The following PTPRD variants were observed in gnomAD, a reference collection of about 807,000 sequenced individuals.
PTPRD encodes the protein receptor-type tyrosine-protein phosphatase delta.
A neutral mutation model predicts 214.5 loss-of-function variants in PTPRD; 34 were observed. That is an observed-to-expected ratio of 0.16 (90% CI 0.12 to 0.21). The LOEUF is 0.21. Ranked by LOEUF, PTPRD falls within the 10% of genes least tolerant of loss-of-function variation. The pLI, the probability that PTPRD is intolerant of heterozygous loss-of-function variation, is 1.00. For missense variants in PTPRD, 2,545 were observed against 2,398.7 expected, an observed-to-expected ratio of 1.06 and a Z score of -1.27; for synonymous variants, 1,128 against 845.7, an observed-to-expected ratio of 1.33 and a Z score of -5.79.
At chr9:8,636,656 G>C (rs765147253) in intron 13 of PTPRD, 43 bp downstream of exon 13, 3 of 1,606,232 alleles carry the variant, frequency 1.9e-6, no homozygotes, top group Middle Eastern at 1.7e-4. Context: ...AGACAGAGCA[G>C]ATACATTCTT....
At chr9:9,405,206 T>C (rs1210862553) in intron 8 of PTPRD, among the ~76,000 whole-genome samples, 2 of 152,110 alleles carry the variant, frequency 1.3e-5, no homozygotes, top group African/African-American at 4.8e-5. Context: ...CTATGCATTT[T>C]GGGAAAAGCA....
At chr9:8,964,191 T>TTTC (rs2099175089) in intron 11 of PTPRD, among the ~76,000 whole-genome samples, 1 of 85,462 alleles carries the variant, frequency 1.2e-5, no homozygotes, top group African/African-American at 4.8e-5. Context: ...TTCAGGGCTG[T>TTTC]GTTTTTTTTT....
At chr9:8,891,485 G>C (rs958277153) in intron 11 of PTPRD, among the ~76,000 whole-genome samples, 28 of 150,984 alleles carry the variant, frequency 1.9e-4, no homozygotes, top group African/African-American at 6.6e-4. Flanking sequence ...ACGTGGAAAA[G>C]AGTGATCTTT....
chr9:10,599,013 A>G (rs1210551281), intron 2 of PTPRD, among the ~76,000 whole-genome samples: 1 of 151,652 alleles, frequency 6.6e-6, no homozygotes, highest in Non-Finnish European at 1.5e-5. Flanking sequence ...CTATGGGACT[A>G]CATTTCCCAG....
At chr9:9,213,950 AT>A (rs1197885974) in intron 9 of PTPRD, among the ~76,000 whole-genome samples, 2 of 142,928 alleles carry the variant, frequency 1.4e-5, no homozygotes, top group Non-Finnish European at 3.1e-5. Flanking sequence ...TTTCTAGAAT[AT>A]CTTCATCTTC....
At chr9:10,180,299 C>A (rs920867487) in intron 3 of PTPRD, among the ~76,000 whole-genome samples, 9 of 151,930 alleles carry the variant, frequency 5.9e-5, no homozygotes, top group African/African-American at 2.2e-4. Context: ...AACAATATGT[C>A]CACAGGATAA....
intron 11 of PTPRD, among the ~76,000 whole-genome samples, chr9:9,010,956 T>G (rs938647306): frequency 1.3e-5 from 2 of 152,206 alleles, no homozygotes; most frequent in Non-Finnish European, 2.9e-5. Context: ...TATTTTTAAA[T>G]TTTAATGATT....
chr9:8,918,601 A>G (rs1011702688), intron 11 of PTPRD, among the ~76,000 whole-genome samples: 2 of 152,202 alleles, frequency 1.3e-5, no homozygotes, highest in Non-Finnish European at 2.9e-5. Context: ...GCATGCATAT[A>G]TAGTGATTAC....
chr9:9,958,677 C>A (rs2094138284), intron 4 of PTPRD, among the ~76,000 whole-genome samples: 4 of 152,078 alleles, frequency 2.6e-5, no homozygotes, highest in Admixed American at 2.6e-4. Context: ...CCAAAATATA[C>A]AAAGGACTTT....
At chr9:8,862,861 T>C (rs1377406872) in intron 11 of PTPRD, among the ~76,000 whole-genome samples, 1 of 151,948 alleles carries the variant, frequency 6.6e-6, no homozygotes, top group Non-Finnish European at 1.5e-5. Flanking sequence ...TAGGTGGGAA[T>C]TGAACAGTGA....
intron 12 of PTPRD, among the ~76,000 whole-genome samples, chr9:8,669,797 T>C (rs544260129): frequency 6.6e-6 from 1 of 152,260 alleles, no homozygotes; most frequent in Non-Finnish European, 1.5e-5. Context: ...ATAGAGGTTA[T>C]GAATAACGTG....
chr9:8,798,308 A>G (rs1248550132), intron 11 of PTPRD, among the ~76,000 whole-genome samples: 1 of 152,196 alleles, frequency 6.6e-6, no homozygotes, highest in Non-Finnish European at 1.5e-5. Context: ...ACTCTTTAAG[A>G]AATAATCAAG....
chr9:10,360,834 G>A (rs1286275965), intron 2 of PTPRD, among the ~76,000 whole-genome samples: 4 of 152,160 alleles, frequency 2.6e-5, no homozygotes, highest in Non-Finnish European at 5.9e-5. Flanking sequence ...CAGGCGCGGT[G>A]GCTCACGCCT....
intron 5 of PTPRD, among the ~76,000 whole-genome samples, chr9:9,801,911 A>G (rs1314474980): frequency 6.6e-6 from 1 of 152,104 alleles, no homozygotes; most frequent in African/African-American, 2.4e-5. Flanking sequence ...TCAGAATACT[A>G]TAATGATAAC....
chr9:9,342,344 G>A (rs1242966417), intron 9 of PTPRD, among the ~76,000 whole-genome samples: 1 of 152,100 alleles, frequency 6.6e-6, no homozygotes, highest in Non-Finnish European at 1.5e-5. Flanking sequence ...AGGTGGAGAA[G>A]ATGGGGAAAA....
In PTPRD at chr9:8,624,728, C is replaced by T. The variant is rs185202549; in HGVS notation, c.352+8589G>A. 4.2e-3 allele frequency among the ~76,000 whole-genome samples: 637 copies of T among 151,858 alleles called. 5 individuals are homozygous for T. The highest frequency in any genetic ancestry group is 6.7e-3 in the Non-Finnish European group (452 of 67,808). Reference sequence around the variant, plus strand: ...TCAGACTTGAGTAATGTGTCTAAACCTATACAGTTAGGAAGCACTGGAAGG... The same window carrying T: ...TCAGACTTGAGTAATGTGTCTAAACTTATACAGTTAGGAAGCACTGGAAGG... On this transcript the variant is annotated intron_variant, in intron 14 of 45. Coordinates refer to ENST00000381196, the MANE Select transcript of PTPRD (RefSeq NM_002839.4).
chr9:9,826,671 G>A (rs928408529), intron 5 of PTPRD, among the ~76,000 whole-genome samples: 2 of 151,912 alleles, frequency 1.3e-5, no homozygotes, highest in African/African-American at 2.4e-5. Context: ...CTTTAAGCAA[G>A]ATGTGTAATT....
At chr9:8,837,824 T>C (rs1391015133) in intron 11 of PTPRD, among the ~76,000 whole-genome samples, 4 of 152,172 alleles carry the variant, frequency 2.6e-5, no homozygotes, top group Non-Finnish European at 4.4e-5. Context: ...TAAAACAAAA[T>C]GAAACTGTGC....
At chr9:10,275,411 AAATT>A (rs1472539003) in intron 3 of PTPRD, among the ~76,000 whole-genome samples, 1 of 152,116 alleles carries the variant, frequency 6.6e-6, no homozygotes, top group Non-Finnish European at 1.5e-5. Context: ...ATAAGTAAAT[AAATT>A]GAGAGGGATG....
Sources: allele counts gnomAD v4.1 joint callset (sites outside exome capture counted in the v4.1 genomes callset), GRCh38; gene constraint gnomAD v4.1.1; transcripts MANE v1.5; gene names NCBI Gene and HGNC (gene_info 2026-07-23, HGNC 2026-07-21).